Variants in NAV3 observed in about 807,000 individuals in gnomAD.
NAV3 encodes neuron navigator 3, also known as pore membrane and/or filament interacting like protein 1.
In NAV3, 87 loss-of-function variants were observed where a neutral mutation model predicts 244.7. That is an observed-to-expected ratio of 0.36 (90% CI 0.30 to 0.42). The LOEUF (loss-of-function observed/expected upper bound fraction) is 0.42. Among genes scored for constraint, NAV3 ranks in the 20% least tolerant of loss-of-function variants. NAV3 has a pLI of 1.00. For missense variants in NAV3, 2,663 were observed against 2,893.3 expected, an observed-to-expected ratio of 0.92 and a Z score of 1.83; for synonymous variants, 1,126 against 1,042.2, an observed-to-expected ratio of 1.08 and a Z score of -1.55.
At chr12:78,034,030 G>A (rs1015203977) in intron 9 of NAV3, among the ~76,000 whole-genome samples, 1 of 152,202 alleles carries the variant, frequency 6.6e-6, no homozygotes, top group African/African-American at 2.4e-5. Context: ...GGACATTAAT[G>A]TCAGCAAAAT....
chr12:78,032,997 C>T (rs753283032), intron 9 of NAV3, among the ~76,000 whole-genome samples: 2 of 152,076 alleles, frequency 1.3e-5, no homozygotes, highest in African/African-American at 2.4e-5. Context: ...TTATATTCAA[C>T]TGAAAAATGT....
chr12:78,047,084 G>A (rs1281923325), intron 9 of NAV3, among the ~76,000 whole-genome samples: 11 of 151,996 alleles, frequency 7.2e-5, no homozygotes, highest in Admixed American at 7.2e-4. Context: ...CATTTGCTTG[G>A]TAAATATTCC....
chr12:78,170,010 T>C (rs1957938217), intron 24 of NAV3, among the ~76,000 whole-genome samples: 1 of 151,770 alleles, frequency 6.6e-6, no homozygotes, highest in South Asian at 2.1e-4. Context: ...ATTATGATTC[T>C]ATGCATCCTA....
intron 2 of NAV3, 37 bp from the exon 3 acceptor site, chr12:77,941,044 C>CT (rs1383830917): frequency 1.5e-6 from 2 of 1,333,088 alleles, no homozygotes; most frequent in South Asian, 1.2e-5. Context: ...GCATGTCGTT[C>CT]TTTTTTTCTC....
chr12:77,998,519 T>C (rs1193794672), intron 7 of NAV3, 43 bp downstream of exon 7: 3 of 1,550,416 alleles, frequency 1.9e-6, no homozygotes, highest in East Asian at 2.3e-5. Flanking sequence ...CCAACATGAG[T>C]CTTGTGAATT....
At chr12:77,867,153 C>G (rs1330980828) in intron 1 of NAV3, among the ~76,000 whole-genome samples, 2 of 152,108 alleles carry the variant, frequency 1.3e-5, no homozygotes, top group Admixed American at 6.5e-5. Flanking sequence ...ATGGGAGGGA[C>G]CCGGTGGGAG....
chr12:77,741,148 CAAAAAA>C, intron 2 of NAV3, among the ~76,000 whole-genome samples: 1 of 68,668 alleles, frequency 1.5e-5, no homozygotes, highest in Non-Finnish European at 2.7e-5. Context: ...AAAAAAAAGA[CAAAAAA>C]AAAAAAAAAA....
chr12:78,163,117 T>TA (rs1957635550), intron 23 of NAV3, among the ~76,000 whole-genome samples: 1 of 151,380 alleles, frequency 6.6e-6, no homozygotes, highest in African/African-American at 2.4e-5. Context: ...TTACATACTT[T>TA]AAAAATGGAT....
chr12:77,950,829 A>G lies in NAV3; in HGVS notation c.414+9696A>G, dbSNP rs561306208. ...ACAAGAAATGGGGAAAGGATTGCCT[A>G]TTTAATAAATAGTGCTGGGAAAACT... On this transcript the variant is annotated intron_variant, in intron 3 of 39. Transcript: ENST00000397909. The G allele has an allele frequency of 2.0e-5, 3 of 152,362 alleles. No homozygotes were observed. The South Asian group carries it at 6.2e-4, about 32-fold the overall frequency. 9.4% of individuals were successfully genotyped at this position (152,362 alleles called of 1,614,324 possible).
intron 1 of NAV3, among the ~76,000 whole-genome samples, chr12:77,879,821 G>C (rs1264729657): frequency 6.6e-6 from 1 of 150,878 alleles, no homozygotes; most frequent in East Asian, 1.9e-4. Flanking sequence ...TTTTCAAAAA[G>C]TGTTATCTCA....
chr12:78,086,606 C>A (rs767584877), intron 12 of NAV3, among the ~76,000 whole-genome samples: 1 of 151,916 alleles, frequency 6.6e-6, no homozygotes, highest in Non-Finnish European at 1.5e-5. Context: ...ATTTGTATGC[C>A]TAATGAGAAG....
intron 1 of NAV3, among the ~76,000 whole-genome samples, chr12:77,846,128 A>G (rs546186457): frequency 3.3e-5 from 5 of 152,266 alleles, no homozygotes; most frequent in East Asian, 1.9e-4. Context: ...TTCACTCAAG[A>G]GTTGATAAGC....
At chr12:78,034,188 T>C (rs1455185086) in intron 9 of NAV3, among the ~76,000 whole-genome samples, 1 of 152,224 alleles carries the variant, frequency 6.6e-6, no homozygotes, top group Non-Finnish European at 1.5e-5. Context: ...CATTGTAGGA[T>C]GTTTAGCAAC....
At chr12:77,863,854 T>G (rs7298374) in intron 1 of NAV3, among the ~76,000 whole-genome samples, 32,283 of 151,816 alleles carry the variant, frequency 0.21, 3,879 homozygotes, top group East Asian at 0.29. Context: ...GACAGTTTAC[T>G]CAAATTATTT....
intron 12 of NAV3, among the ~76,000 whole-genome samples, chr12:78,075,194 CAT>C (rs1952983782): frequency 6.6e-6 from 1 of 152,156 alleles, no homozygotes; most frequent in African/African-American, 2.4e-5. Context: ...ATGAAGAAAA[CAT>C]AGTGTTGTGA....
rs941450124 is a variant in NAV3, at chr12:78,185,798, A to G, written c.5790+100A>G. 2.8e-4 allele frequency: 270 copies of G among 980,818 alleles called. 2 individuals are homozygous for G. The highest frequency in any genetic ancestry group is 1.6e-4 in the Non-Finnish European group (104 of 656,654). 60.8% of individuals were successfully genotyped at this position (980,818 alleles called of 1,614,324 possible). On this transcript the variant is annotated intron_variant, in intron 31 of 39. Transcript: ENST00000397909. ...TATTTGATCTGGTAAATATCCTACA[A>G]CAATTGTGGATTGGCATTAGCTTAA...
chr12:78,095,120 C>A (rs1954182320), intron 12 of NAV3, among the ~76,000 whole-genome samples: 1 of 148,074 alleles, frequency 6.8e-6, no homozygotes, highest in Non-Finnish European at 1.5e-5. Context: ...TATACACATA[C>A]ATATGTATAT....
chr12:78,037,185 A>G (rs765162521), intron 9 of NAV3: 4 of 703,032 alleles, frequency 5.7e-6, no homozygotes, highest in Non-Finnish European at 1.0e-5. Flanking sequence ...ATTGTCTGCA[A>G]GAAGAGGCTT....
At chr12:78,199,639 G>A (rs781687844) in intron 37 of NAV3, 108 bp downstream of exon 37, 4 of 751,670 alleles carry the variant, frequency 5.3e-6, no homozygotes, top group Non-Finnish European at 8.0e-6. Context: ...GCTTATTCAA[G>A]CTTCCAAAGA....
Sources: gnomAD v4.1 joint callset for allele counts (sites outside exome capture counted in the v4.1 genomes callset) on GRCh38, gnomAD v4.1.1 for gene constraint, MANE v1.5 for transcripts, NCBI Gene and HGNC (gene_info 2026-07-23, HGNC 2026-07-21) for gene names.